LOC400499: variants seen among roughly 807,000 people sequenced by gnomAD.
At chr16:11,460,944 C>T in the LOC400499 span, 1 of 1,510,878 alleles carries the variant, frequency 6.6e-7, no homozygotes, top group Non-Finnish European at 8.8e-7. Flanking sequence ...TGCCCCGCAA[C>T]CAGGCACGCA....
At chr16:11,457,538 AGCCGAGATC>A in the LOC400499 span, among the ~76,000 whole-genome samples, 1 of 150,096 alleles carries the variant, frequency 6.7e-6, no homozygotes, top group South Asian at 2.1e-4. Flanking sequence ...GCTTGCAGTG[AGCCGAGATC>A]GCACCACTGC....
chr16:11,387,338 C>T, the LOC400499 span: 2 of 1,228,632 alleles, frequency 1.6e-6, no homozygotes, highest in African/African-American at 3.1e-5. Flanking sequence ...CTGCCCGAGC[C>T]TTGCTTCCCT....
the LOC400499 span, chr16:11,424,263 G>A: frequency 3.0e-5 from 12 of 397,198 alleles, no homozygotes; most frequent in African/African-American, 1.0e-4. Context: ...CTGAGCCCCC[G>A]CGTTCCACAG....
At chr16:11,478,708 C>T in the LOC400499 span, 1 of 398,908 alleles carries the variant, frequency 2.5e-6, no homozygotes, top group South Asian at 1.3e-4. Context: ...CCAGACAGGT[C>T]ACAAAGAACA....
At chr16:11,470,703 G>T in the LOC400499 span, 3 of 152,394 alleles carry the variant, frequency 2.0e-5, no homozygotes, top group Non-Finnish European at 2.9e-5. Context: ...GGAGGCACAG[G>T]AACACCAGAC....
At chr16:11,485,336 C>A in the LOC400499 span, among the ~76,000 whole-genome samples, 4 of 152,068 alleles carry the variant, frequency 2.6e-5, no homozygotes, top group Non-Finnish European at 5.9e-5. Context: ...CTGTGGGAAG[C>A]CCTCCCTGAA....
chr16:11,399,734 A>T, the LOC400499 span: 1 of 398,802 alleles, frequency 2.5e-6, no homozygotes, highest in Non-Finnish European at 4.4e-6. Context: ...CAGCCGTCCC[A>T]GGCGGTGCTG....
the LOC400499 span, among the ~76,000 whole-genome samples, chr16:11,416,169 C>T: frequency 9.9e-5 from 15 of 152,034 alleles, no homozygotes; most frequent in African/African-American, 3.6e-4. Context: ...AGGCTAGTCT[C>T]GAACTCCTGA....
chr16:11,499,286 G>C, the LOC400499 span, among the ~76,000 whole-genome samples: 1 of 19,512 alleles, frequency 5.1e-5, no homozygotes, highest in East Asian at 1.5e-3. Flanking sequence ...AGGGGAGGGG[G>C]GAAGGGAGGC....
chr16:11,418,064 A>G, the LOC400499 span, among the ~76,000 whole-genome samples: 96 of 152,344 alleles, frequency 6.3e-4, 1 homozygote, highest in South Asian at 0.011. Context: ...GGAGAAACCA[A>G]TCAGGAAGTG....
chr16:11,384,179 T>C, the LOC400499 span: 6 of 1,221,918 alleles, frequency 4.9e-6, no homozygotes, highest in Non-Finnish European at 4.1e-6. Context: ...CTCAAGAACC[T>C]CAGCTGGAAG....
the LOC400499 span, among the ~76,000 whole-genome samples, chr16:11,452,584 G>A: frequency 6.6e-6 from 1 of 152,254 alleles, no homozygotes; most frequent in Admixed American, 6.5e-5. Context: ...GAACTCCGGA[G>A]CTGGAAGGAC....
the LOC400499 span, among the ~76,000 whole-genome samples, chr16:11,373,373 C>G: frequency 1.3e-5 from 2 of 152,228 alleles, no homozygotes; most frequent in Non-Finnish European, 2.9e-5. Context: ...GAGATGGAGT[C>G]TCGCGCTATC....
chr16:11,461,194 G>A, the LOC400499 span: 22,506 of 1,465,230 alleles, frequency 0.015, 206 homozygotes, highest in Non-Finnish European at 0.017. Context: ...GGCAAAGAAG[G>A]GACTCAGGTA....
the LOC400499 span, among the ~76,000 whole-genome samples, chr16:11,451,149 A>C: frequency 6.6e-6 from 1 of 152,242 alleles, no homozygotes; most frequent in Non-Finnish European, 1.5e-5. Flanking sequence ...CACGGAAAAA[A>C]TAAGAGGGCT....
the LOC400499 span, chr16:11,457,104 C>CG: frequency 1.4e-6 from 2 of 1,443,874 alleles, no homozygotes; most frequent in African/African-American, 1.4e-5. Context: ...AGAATGTGCC[C>CG]GGGAAGTTGA....
the LOC400499 span, among the ~76,000 whole-genome samples, chr16:11,467,567 G>A: frequency 6.6e-6 from 1 of 152,012 alleles, no homozygotes; most frequent in Non-Finnish European, 1.5e-5. Context: ...AGCCATGTTT[G>A]CACCTCTGCA....
chr16:11,442,956 C>T, the LOC400499 span, among the ~76,000 whole-genome samples: 130 of 152,240 alleles, frequency 8.5e-4, no homozygotes, highest in Non-Finnish European at 1.5e-3. Context: ...GTGAAGGGAG[C>T]CCCCAGAAAG....
the LOC400499 span, among the ~76,000 whole-genome samples, chr16:11,428,220 G>C: frequency 1.3e-5 from 2 of 148,238 alleles, no homozygotes; most frequent in Admixed American, 6.6e-5. Context: ...TGTTGCCCAG[G>C]CTGGAGTGCC....
Sources: allele counts gnomAD v4.1 joint callset (sites outside exome capture counted in the v4.1 genomes callset), GRCh38; gene constraint gnomAD v4.1.1; transcripts MANE v1.5.